Variants in ZNF362 observed in about 807,000 individuals in gnomAD.
ZNF362 encodes zinc finger protein 362, also known as rotund homolog.
A neutral mutation model predicts 42.9 loss-of-function variants in ZNF362; 11 were observed. The observed-to-expected ratio is 0.26, with a 90% CI of 0.16 to 0.42. ZNF362 has a LOEUF of 0.42. Ranked by LOEUF, ZNF362 falls within the 20% of genes least tolerant of loss-of-function variation. The pLI, the probability that ZNF362 is intolerant of heterozygous loss-of-function variation, is 1.00. For synonymous variants in ZNF362, 255 were observed against 257.3 expected, an observed-to-expected ratio of 0.99 and a Z score of 0.09; for missense variants, 362 against 576.2, an observed-to-expected ratio of 0.63 and a Z score of 3.81.
rs76586857 is a variant in ZNF362 at position 33,279,490 on chromosome 1, T to A, written c.350-634T>A. Among the ~76,000 whole-genome samples the A allele has an allele frequency of 3.7e-3, 566 of 151,092 alleles. 2 individuals are homozygous for A. Among genetic ancestry groups the A allele is most frequent in the East Asian group, 0.029 (149 of 5,170 alleles). On this transcript the variant is annotated intron_variant, in intron 4 of 8. Transcript: ENST00000539719. ...CACAAATTTTTAGTTTTTTTTTTTTTAAAAAAACATAGAACCACACAATAG... is the reference window on the plus strand; with the variant it reads ...CACAAATTTTTAGTTTTTTTTTTTTAAAAAAAACATAGAACCACACAATAG...
At chr1:33,208,004 G>C in the ZNF362 span, among the ~76,000 whole-genome samples, 1 of 152,146 alleles carries the variant, frequency 6.6e-6, no homozygotes, top group Non-Finnish European at 1.5e-5. Flanking sequence ...TGGTGTTTTA[G>C]TCATGAAGTC....
rs1021006015 is a variant in ZNF362, at chr1:33,276,031, G to T, written c.39-69G>T. 4 of 1,574,218 alleles carry T rather than the reference G, an allele frequency of 2.5e-6. No homozygotes were observed. In the African/African-American group the frequency reaches 5.4e-5, roughly 21 times the overall value. ...ACTGGCCCTGACTTGAGTGGGCGCA[G>T]CTGAGGGGTGCTCGCCCCAGGCCTT... On this transcript the variant is annotated intron_variant, in intron 2 of 8. Coordinates refer to ENST00000539719, the MANE Select transcript of ZNF362 (RefSeq NM_152493.3).
At chr1:33,161,878 C>T in the ZNF362 span, among the ~76,000 whole-genome samples, 1 of 152,186 alleles carries the variant, frequency 6.6e-6, no homozygotes, top group African/African-American at 2.4e-5. This position sits in a 1 kb window ranked among gnomAD's most constrained non-coding sequence, Gnocchi z 4.3. Context: ...CTCTGCCTCC[C>T]ATGTTCCTCG....
At chr1:33,209,827 A>T in the ZNF362 span, among the ~76,000 whole-genome samples, 168 of 151,890 alleles carry the variant, frequency 1.1e-3, no homozygotes, top group African/African-American at 3.9e-3. Flanking sequence ...CTTCTTTATT[A>T]GTCTTGCTAG....
At chr1:33,161,127 A>T in the ZNF362 span, among the ~76,000 whole-genome samples, 2 of 152,238 alleles carry the variant, frequency 1.3e-5, no homozygotes. The surrounding 1 kb of genome is among the most constrained non-coding windows in gnomAD (Gnocchi z 4.3). Flanking sequence ...GGTGAAGATG[A>T]AATGAGGGGG....
the ZNF362 span, chr1:33,159,783 C>T: frequency 6.9e-4 from 1,109 of 1,613,822 alleles, 6 homozygotes; most frequent in South Asian, 1.9e-3. This position sits in a 1 kb window ranked among gnomAD's most constrained non-coding sequence, Gnocchi z 4.2. Context: ...GGACCTTGCG[C>T]AGCTGCTGGC....
chr1:33,188,944 C>T, the ZNF362 span, among the ~76,000 whole-genome samples: 1 of 152,184 alleles, frequency 6.6e-6, no homozygotes, highest in Non-Finnish European at 1.5e-5. Flanking sequence ...ATGCTTCTTC[C>T]CCAGACCTCC....
At chr1:33,298,093 C>T (rs746207829) in intron 8 of ZNF362, among the ~76,000 whole-genome samples, 3 of 152,226 alleles carry the variant, frequency 2.0e-5, no homozygotes, top group Middle Eastern at 3.4e-3. Context: ...CTGGCAAAGG[C>T]GATTGGAAGG....
the ZNF362 span, among the ~76,000 whole-genome samples, chr1:33,217,461 A>G: frequency 6.6e-6 from 1 of 152,222 alleles, no homozygotes; most frequent in East Asian, 1.9e-4. Context: ...AGGCAACTTT[A>G]CACTGGGTCA....
At chr1:33,237,784 G>A in the ZNF362 span, among the ~76,000 whole-genome samples, 1 of 152,180 alleles carries the variant, frequency 6.6e-6, no homozygotes, top group African/African-American at 2.4e-5. Context: ...CCAATGGTAT[G>A]TGAGTAGAGG....
At chr1:33,249,462 G>T in the ZNF362 span, among the ~76,000 whole-genome samples, 4 of 152,174 alleles carry the variant, frequency 2.6e-5, no homozygotes, top group Non-Finnish European at 5.9e-5. Flanking sequence ...GACAGTTTTG[G>T]TTTACCCAAA....
At chr1:33,158,519 G>T in the ZNF362 span, 1 of 628,990 alleles carries the variant, frequency 1.6e-6, no homozygotes, top group East Asian at 2.8e-5. Context: ...TGCTTGTGCT[G>T]CTTCTGGCCT....
chr1:33,278,162 C>CA (rs1463173507), intron 4 of ZNF362, among the ~76,000 whole-genome samples: 2 of 152,134 alleles, frequency 1.3e-5, no homozygotes, highest in East Asian at 1.9e-4. Context: ...AAACTAGCAA[C>CA]AAAAAAATCA....
the ZNF362 span, among the ~76,000 whole-genome samples, chr1:33,127,903 C>A: frequency 2.0e-5 from 3 of 152,086 alleles, no homozygotes; most frequent in African/African-American, 7.2e-5. Flanking sequence ...CTGTGCAGTG[C>A]GTCTTAATGA....
the ZNF362 span, among the ~76,000 whole-genome samples, chr1:33,177,683 T>C: frequency 2.0e-5 from 3 of 152,112 alleles, no homozygotes; most frequent in South Asian, 6.2e-4. This position sits in a 1 kb window ranked among gnomAD's most constrained non-coding sequence, Gnocchi z 4.1. Context: ...TGGGTGGAGT[T>C]TGCTACTGGC....
the ZNF362 span, chr1:33,181,312 G>A: frequency 1.3e-6 from 2 of 1,563,720 alleles, no homozygotes; most frequent in Non-Finnish European, 8.6e-7. The surrounding 1 kb of genome is among the most constrained non-coding windows in gnomAD (Gnocchi z 6.5). Flanking sequence ...GCCTCCTGCC[G>A]CACCCAGTGC....
chr1:33,141,705 A>G, the ZNF362 span, among the ~76,000 whole-genome samples: 4 of 152,220 alleles, frequency 2.6e-5, no homozygotes, highest in African/African-American at 9.6e-5. Flanking sequence ...TAATAGAAAT[A>G]TGATAGAACT....
At chr1:33,291,079 T>C (rs1316995502) in intron 6 of ZNF362, among the ~76,000 whole-genome samples, 2 of 152,234 alleles carry the variant, frequency 1.3e-5, no homozygotes, top group East Asian at 3.8e-4. Flanking sequence ...TTGGGTCCCG[T>C]TTGTCAATTT....
chr1:33,291,595 T>C (rs890789441), intron 6 of ZNF362, among the ~76,000 whole-genome samples: 2 of 152,258 alleles, frequency 1.3e-5, no homozygotes, highest in African/African-American at 4.8e-5. Context: ...TTTCCAATTC[T>C]GTGAAGAAAG....
Sources: allele counts gnomAD v4.1 joint callset (sites outside exome capture counted in the v4.1 genomes callset), GRCh38; gene constraint gnomAD v4.1.1; non-coding constraint Gnocchi (gnomAD v3.1); transcripts MANE v1.5; gene names NCBI Gene and HGNC (gene_info 2026-07-23, HGNC 2026-07-21).